Variants in PARVG observed in about 807,000 individuals in gnomAD.
PARVG encodes the protein parvin gamma.
Under a neutral mutation model 44.4 loss-of-function variants are expected in PARVG, and 36 were observed. The observed-to-expected ratio is 0.81, with a 90% confidence interval of 0.62 to 1.07. The LOEUF is 1.07. PARVG is among the 50% of genes least tolerant of loss of function. The pLI is 0.00. For missense variants in PARVG, 407 were observed against 407.4 expected, an observed-to-expected ratio of 1.00 and a Z score of 0.01; for synonymous variants, 170 against 174.1, an observed-to-expected ratio of 0.98 and a Z score of 0.19.
At chr22:44,202,727 G>A (rs1184344844) in intron 12 of PARVG, among the ~76,000 whole-genome samples, 2 of 152,222 alleles carry the variant, frequency 1.3e-5, no homozygotes, top group African/African-American at 2.4e-5. Context: ...GGGCCTCTGC[G>A]GAATTGTTAT....
chr22:44,185,755 G>C, intron 3 of PARVG, 53 bp from the exon 4 acceptor site: 1 of 1,515,154 alleles, frequency 6.6e-7, no homozygotes, highest in Non-Finnish European at 9.1e-7. Flanking sequence ...AGGGAGTGTG[G>C]CCAAGCGCCC....
rs1259667652 is a variant in PARVG, at chr22:44,182,150, G to A, written c.-13+233G>A. On this transcript the variant is annotated intron_variant, in intron 2 of 13. Transcript: ENST00000444313. The surrounding 1 kb of genome is among the most constrained non-coding windows in gnomAD (Gnocchi z 4.6). ...GAGGAGTTGCCGCCTCTGAACTTCAGCCAACCCCTCCGTCTCCAGGTGAAG... is the reference window on the plus strand; with the variant it reads ...GAGGAGTTGCCGCCTCTGAACTTCAACCAACCCCTCCGTCTCCAGGTGAAG... 1.3e-5 allele frequency among the ~76,000 whole-genome samples: 2 copies of A among 152,196 alleles called. No individual in the cohort carries two copies. Among genetic ancestry groups the A allele is most frequent in the Non-Finnish European group, 2.9e-5 (2 of 68,032 alleles).
At position 44,207,574 on chromosome 22, in the gene PARVG, G is replaced by A. The variant is rs2054798323; in HGVS notation, c.*1148G>A. ...CTCCCTGGACCCTGAAGAGGCCTCT[G>A]GGTCTGGGGTTTTCACAGTTTGACA... On this transcript the variant is annotated 3_prime_UTR_variant, in exon 14 of 14. Coordinates refer to ENST00000444313, the MANE Select transcript of PARVG (RefSeq NM_022141.7). 6.6e-6 allele frequency: 1 copy of A among 152,230 alleles called. No homozygotes were observed. Among genetic ancestry groups the A allele is most frequent in the Non-Finnish European group, 1.5e-5 (1 of 68,144 alleles). 9.4% of individuals were successfully genotyped at this position (152,230 alleles called of 1,614,324 possible).
rs767364865 is a variant in PARVG, at chr22:44,187,819, T to C, written c.188T>C (p.Ile63Thr). Residue 63 changes from isoleucine (I) to threonine (T), a missense_variant, in exon 5 of 14, where the codon ATT becomes ACT. Ile to Thr is a moderately conservative substitution (Grantham distance 89). Transcript: ENST00000444313. ...WINATLLPEH[I>T]VVRSLEEDMF... ...AATGCCACTCTTCTCCCCGAGCACA[T>C]TGTGGTCCGCAGCCTGGAGGAGGAC... is the stretch of plus-strand genomic sequence containing the variant. 9.9e-6 allele frequency: 16 copies of C among 1,614,134 alleles called. No homozygotes were observed. The highest frequency in any genetic ancestry group is 1.6e-4 in the Middle Eastern group (1 of 6,084).
intron 3 of PARVG, 121 bp from the exon 4 acceptor site, chr22:44,185,687 G>A (rs567123459): frequency 5.8e-5 from 43 of 740,000 alleles, no homozygotes; most frequent in East Asian, 4.7e-4. Context: ...ACGCTGGGGC[G>A]GAAGTGGCAG....
intron 4 of PARVG, chr22:44,186,323 T>G: frequency 3.1e-6 from 1 of 325,912 alleles, no homozygotes; most frequent in South Asian, 2.5e-5. Context: ...TGGGCCTGGG[T>G]CACCCATTCT....
chr22:44,206,220 C>T (rs919438934), intron 13 of PARVG, 97 bp from the exon 14 acceptor site: 15 of 897,692 alleles, frequency 1.7e-5, no homozygotes, highest in South Asian at 5.9e-5. Context: ...GGGATTAGCA[C>T]TGAAATCCTG....
intron 5 of PARVG, chr22:44,188,863 GC>G: frequency 1.9e-6 from 1 of 535,386 alleles, no homozygotes; most frequent in Non-Finnish European, 3.4e-6. Context: ...AGCTCAGGGG[GC>G]TGAGGCTTGC....
intron 6 of PARVG, among the ~76,000 whole-genome samples, chr22:44,189,560 G>A (rs950893998): frequency 2.6e-5 from 4 of 152,104 alleles, no homozygotes; most frequent in African/African-American, 4.8e-5. Context: ...ACCGTGGTCC[G>A]CCCATCCACA....
intron 9 of PARVG, among the ~76,000 whole-genome samples, chr22:44,194,990 C>T (rs1345638419): frequency 6.6e-6 from 1 of 152,180 alleles, no homozygotes; most frequent in African/African-American, 2.4e-5. Context: ...ATTTTTCCTC[C>T]CTATACCCTC....
intron 12 of PARVG, among the ~76,000 whole-genome samples, chr22:44,201,895 T>C (rs1167806488): frequency 6.6e-6 from 1 of 152,110 alleles, no homozygotes; most frequent in Non-Finnish European, 1.5e-5. Context: ...GGCAGACACA[T>C]GAGAGACCAG....
At position 44,180,973 on chromosome 22, in the gene PARVG, T is replaced by G. The variant is rs977787956; in HGVS notation, c.-401T>G. 8.1e-6 allele frequency: 8 copies of G among 985,354 alleles called. No individual in the cohort carries two copies. The highest frequency in any genetic ancestry group is 9.6e-6 in the Non-Finnish European group (8 of 829,866). 61.0% of individuals were successfully genotyped at this position (985,354 alleles called of 1,614,324 possible). ...TGAAGTGTTTCTCTATCTACTGTGC[T>G]GAGATCTCTCCTTCTCGAACCCTGC... On this transcript the variant is annotated 5_prime_UTR_variant, in exon 1 of 14. Transcript: ENST00000444313.
Position 44,182,901 on chromosome 22 carries a change from C to T in PARVG, c.-12-417C>T, listed in dbSNP as rs138930333. 7.9e-4 allele frequency: 137 copies of T among 174,416 alleles called. 2 individuals are homozygous for T. The highest frequency in any genetic ancestry group is 3.0e-3 in the African/African-American group (126 of 42,042). The allele number at this position is 174,416 out of a possible 1,614,324, so 10.8% of individuals were successfully genotyped here. Reference sequence around the variant, plus strand: ...CCACCTCAGCCAGCCCCACACAGGCCGACCGGGGAGGTTTCCCTTGAGCTC... The same window carrying T: ...CCACCTCAGCCAGCCCCACACAGGCTGACCGGGGAGGTTTCCCTTGAGCTC... On this transcript the variant is annotated intron_variant, in intron 2 of 13. Transcript: ENST00000444313. The surrounding 1 kb of genome is among the most constrained non-coding windows in gnomAD (Gnocchi z 4.6).
In PARVG at chr22:44,181,004, CTTT is replaced by C; in HGVS notation, c.-369_-367del. 5 of 983,886 alleles carry C rather than the reference CTTT, an allele frequency of 5.1e-6. No individual in the cohort carries two copies. The highest frequency in any genetic ancestry group is 4.8e-6 in the Non-Finnish European group (4 of 828,536). The allele number at this position is 983,886 out of a possible 1,614,324, so 60.9% of individuals were successfully genotyped here. ...CTCTCCTTCTCGAACCCTGCTATGC[CTTT>C]GCATACGCTGTTTTCTCCACCTGCC... On this transcript the variant is annotated 5_prime_UTR_variant, in exon 1 of 14. Transcript: ENST00000444313.
chr22:44,200,754 C>T (rs2054696305), intron 12 of PARVG, among the ~76,000 whole-genome samples: 1 of 152,202 alleles, frequency 6.6e-6, no homozygotes, highest in South Asian at 2.1e-4. Context: ...CCATCCCTTT[C>T]ACATGCTCAG....
intron 7 of PARVG, 104 bp downstream of exon 7, chr22:44,190,770 G>A (rs1235371910): frequency 1.0e-6 from 1 of 979,332 alleles, no homozygotes; most frequent in Non-Finnish European, 1.6e-6. Flanking sequence ...GGCTGACCCA[G>A]GGTGAGTTTC....
intron 9 of PARVG, among the ~76,000 whole-genome samples, chr22:44,194,765 T>G (rs1243578981): frequency 1.3e-5 from 2 of 150,722 alleles, no homozygotes; most frequent in Admixed American, 1.3e-4. Flanking sequence ...CATTCATCCA[T>G]CCGCCTACCC....
chr22:44,204,001 C>T (rs1293998346), intron 12 of PARVG, among the ~76,000 whole-genome samples: 2 of 152,214 alleles, frequency 1.3e-5, no homozygotes, highest in Non-Finnish European at 2.9e-5. Context: ...CGTGCCACCA[C>T]ACCCAGCTAA....
chr22:44,190,276 G>A (rs1331250847), intron 6 of PARVG, among the ~76,000 whole-genome samples: 4 of 152,192 alleles, frequency 2.6e-5, no homozygotes, highest in Admixed American at 1.3e-4. Flanking sequence ...GGTTGTTTCC[G>A]ATTGTAAACA....
Sources: gnomAD v4.1 joint callset for allele counts (sites outside exome capture counted in the v4.1 genomes callset) on GRCh38, gnomAD v4.1.1 for gene constraint, Gnocchi (gnomAD v3.1) non-coding constraint, MANE v1.5 for transcripts, NCBI Gene and HGNC (gene_info 2026-07-23, HGNC 2026-07-21) for gene names.